The following PHF21A variants were observed in gnomAD, a reference collection of about 807,000 sequenced individuals.
PHF21A encodes the protein PHD finger protein 21A, also known as BHC80a.
A neutral mutation model predicts 82.5 loss-of-function variants in PHF21A; 11 were observed. The observed-to-expected ratio is 0.13, with a 90% CI of 0.08 to 0.22. The LOEUF (loss-of-function observed/expected upper bound fraction) is 0.22, where lower values mean the gene tolerates loss of function less well. Ranked by LOEUF, PHF21A falls within the 10% of genes least tolerant of loss-of-function variation. The pLI is 1.00. For synonymous variants in PHF21A, 297 were observed against 302.8 expected, an observed-to-expected ratio of 0.98 and a Z score of 0.20; for missense variants, 579 against 837.8, an observed-to-expected ratio of 0.69 and a Z score of 3.81.
chr11:45,959,780 T>C (rs561600395), intron 10 of PHF21A, among the ~76,000 whole-genome samples: 2 of 152,184 alleles, frequency 1.3e-5, no homozygotes, highest in South Asian at 4.1e-4. Context: ...CAGGAGAAAA[T>C]ATTTGCAAAT....
At chr11:46,006,327 A>C (rs1352329531) in intron 6 of PHF21A, among the ~76,000 whole-genome samples, 1 of 152,240 alleles carries the variant, frequency 6.6e-6, no homozygotes, top group Non-Finnish European at 1.5e-5. Flanking sequence ...TAAATTCTTA[A>C]TCTTTCGGTT....
rs2134800403 is a variant in PHF21A at position 45,929,351 on chromosome 11, T to C, written c.*4617A>G. On this transcript the variant is annotated 3_prime_UTR_variant, in exon 19 of 19. Transcript: ENST00000676320. ...CTTTATTTGGCTTTATTTAGTAAAA[T>C]GTTAAAATAAATAAATACAAATTGA... The C allele has an allele frequency of 6.4e-6, 1 of 156,276 alleles. No homozygotes were observed. The highest frequency in any genetic ancestry group is 3.5e-3 in the Middle Eastern group (1 of 286). 9.7% of individuals were successfully genotyped at this position (156,276 alleles called of 1,614,324 possible).
chr11:46,038,310 T>C (rs573805648), intron 6 of PHF21A, among the ~76,000 whole-genome samples: 34 of 152,246 alleles, frequency 2.2e-4, no homozygotes, highest in South Asian at 2.1e-4. Flanking sequence ...GTATTTTTAG[T>C]AGATACGGGG....
intron 6 of PHF21A, among the ~76,000 whole-genome samples, chr11:46,056,108 A>G (rs534207989): frequency 6.6e-6 from 1 of 152,248 alleles, no homozygotes; most frequent in East Asian, 1.9e-4. Flanking sequence ...TCTGTTTCCT[A>G]TCTTAAAGTA....
chr11:45,989,716 T>G (rs1252537853), intron 6 of PHF21A, among the ~76,000 whole-genome samples: 4 of 148,626 alleles, frequency 2.7e-5, no homozygotes, highest in African/African-American at 9.9e-5. Flanking sequence ...ATAAAAAATT[T>G]AGCTGGGCAC....
At chr11:46,037,640 CAA>C (rs1000939610) in intron 6 of PHF21A, among the ~76,000 whole-genome samples, 979 of 59,014 alleles carry the variant, frequency 0.017, 10 homozygotes, top group African/African-American at 0.047. Flanking sequence ...AACGTCATCT[CAA>C]AAAAAAAAAA....
intron 1 of PHF21A, among the ~76,000 whole-genome samples, chr11:46,106,216 CT>C (rs1407142254): frequency 6.6e-6 from 1 of 152,098 alleles, no homozygotes; most frequent in East Asian, 1.9e-4. Flanking sequence ...ATCTGATTTG[CT>C]TTTTATTTGA....
At chr11:45,968,104 A>G (rs549708273) in intron 9 of PHF21A, among the ~76,000 whole-genome samples, 1 of 152,340 alleles carries the variant, frequency 6.6e-6, no homozygotes, top group South Asian at 2.1e-4. Context: ...CTCCATGTAA[A>G]GTGCCTAGCA....
chr11:45,967,714 A>G (rs2093527145), intron 9 of PHF21A, among the ~76,000 whole-genome samples: 2 of 152,182 alleles, frequency 1.3e-5, no homozygotes, highest in African/African-American at 4.8e-5. Context: ...CATTCCAAGT[A>G]GACTGGTGCC....
chr11:46,037,776 T>G (rs567855106), intron 6 of PHF21A, among the ~76,000 whole-genome samples: 2 of 152,244 alleles, frequency 1.3e-5, no homozygotes, highest in East Asian at 3.9e-4. Context: ...GAACAATACT[T>G]GAAAATTTTA....
At chr11:46,015,467 A>G (rs1592010053) in intron 6 of PHF21A, among the ~76,000 whole-genome samples, 1 of 152,212 alleles carries the variant, frequency 6.6e-6, no homozygotes, top group Middle Eastern at 3.4e-3. Context: ...GGATTCTTAT[A>G]GTTTGAGATT....
intron 6 of PHF21A, among the ~76,000 whole-genome samples, chr11:46,062,944 T>C (rs988785948): frequency 4.6e-5 from 7 of 152,160 alleles, no homozygotes; most frequent in Non-Finnish European, 7.4e-5. Context: ...GGGGACTGGA[T>C]TGACAGAAGG....
chr11:46,009,201 C>T (rs948262888), intron 6 of PHF21A, among the ~76,000 whole-genome samples: 3 of 151,896 alleles, frequency 2.0e-5, no homozygotes, highest in Non-Finnish European at 2.9e-5. Context: ...CTCCAACTCC[C>T]GACCTCAGGT....
chr11:45,935,193 TG>T, intron 18 of PHF21A: 5 of 1,290,410 alleles, frequency 3.9e-6, no homozygotes, highest in Non-Finnish European at 5.1e-6. Flanking sequence ...ATCAGCATGG[TG>T]TGGAAGAAAG....
intron 1 of PHF21A, among the ~76,000 whole-genome samples, chr11:46,099,529 C>CACAA (rs1459385692): frequency 1.4e-5 from 2 of 145,628 alleles, no homozygotes; most frequent in Admixed American, 1.4e-4. Flanking sequence ...ATTAGACACA[C>CACAA]ACACACACAC....
intron 6 of PHF21A, among the ~76,000 whole-genome samples, chr11:46,028,848 A>C (rs1212102093): frequency 6.6e-6 from 1 of 152,210 alleles, no homozygotes; most frequent in Non-Finnish European, 1.5e-5. Flanking sequence ...CTGGGATTAC[A>C]GGCGTGAGCC....
chr11:45,951,247 A>C (rs550775759), intron 11 of PHF21A, among the ~76,000 whole-genome samples: 1 of 152,218 alleles, frequency 6.6e-6, no homozygotes, highest in Non-Finnish European at 1.5e-5. Flanking sequence ...TGTAAAAGAC[A>C]TACTCCTGTA....
chr11:46,038,604 G>A (rs1386533271), intron 6 of PHF21A, among the ~76,000 whole-genome samples: 1 of 152,122 alleles, frequency 6.6e-6, no homozygotes, highest in Non-Finnish European at 1.5e-5. Flanking sequence ...TTTCTTACAG[G>A]TATGGAGGCT....
chr11:46,120,439 C>T (rs1156415665), intron 1 of PHF21A: 1 of 150,812 alleles, frequency 6.6e-6, no homozygotes, highest in African/African-American at 2.4e-5. Context: ...ATGTGACGCC[C>T]CCTCCCCGCC....
Sources: allele counts gnomAD v4.1 joint callset (sites outside exome capture counted in the v4.1 genomes callset), GRCh38; gene constraint gnomAD v4.1.1; transcripts MANE v1.5; gene names NCBI Gene and HGNC (gene_info 2026-07-23, HGNC 2026-07-21).